AHI1: variants seen among roughly 807,000 people sequenced by gnomAD.
AHI1 encodes the protein Abelson helper integration site 1, also known as jouberin.
Under a neutral mutation model 149.3 loss-of-function variants are expected in AHI1, and 123 were observed. The observed-to-expected ratio is 0.82, with a 90% CI of 0.71 to 0.96. The LOEUF is 0.96. AHI1 is among the 40% of genes least tolerant of loss of function. The pLI, the probability that AHI1 is intolerant of heterozygous loss-of-function variation, is 0.00. For synonymous variants in AHI1, 475 were observed against 459.8 expected, an observed-to-expected ratio of 1.03 and a Z score of -0.42; for missense variants, 1,439 against 1,422.7, an observed-to-expected ratio of 1.01 and a Z score of -0.18.
chr6:135,399,439 T>C (rs1354467366), intron 22 of AHI1, among the ~76,000 whole-genome samples: 1 of 152,142 alleles, frequency 6.6e-6, no homozygotes, highest in Non-Finnish European at 1.5e-5. Flanking sequence ...TAAATTGGAC[T>C]TATGGTAACC....
intron 15 of AHI1, among the ~76,000 whole-genome samples, chr6:135,435,997 G>C (rs1169326259): frequency 6.6e-6 from 1 of 152,130 alleles, no homozygotes; most frequent in Non-Finnish European, 1.5e-5. Flanking sequence ...AATTAAAAGA[G>C]GAAAACAAAA....
chr6:135,447,977 G>C (rs1242105112), intron 12 of AHI1, among the ~76,000 whole-genome samples: 1 of 152,160 alleles, frequency 6.6e-6, no homozygotes, highest in Non-Finnish European at 1.5e-5. Context: ...CAGGGCCAAA[G>C]CCTAAAATAT....
intron 27 of AHI1, among the ~76,000 whole-genome samples, chr6:135,290,964 T>C (rs1782284642): frequency 6.8e-6 from 1 of 147,584 alleles, no homozygotes; most frequent in Admixed American, 6.7e-5. Context: ...CATTCATTCA[T>C]GACAAGAAAA....
intron 20 of AHI1, among the ~76,000 whole-genome samples, chr6:135,420,443 T>C (rs534989965): frequency 6.6e-6 from 1 of 152,290 alleles, no homozygotes; most frequent in East Asian, 1.9e-4. Flanking sequence ...GAAAGCTGCT[T>C]CATCTCCATT....
At chr6:135,339,736 A>C (rs116636588) in intron 24 of AHI1, among the ~76,000 whole-genome samples, 1 of 152,222 alleles carries the variant, frequency 6.6e-6, no homozygotes. Flanking sequence ...TCCCAGAAGA[A>C]GAGTCAGAGA....
chr6:135,386,222 T>C (rs1045712400), intron 23 of AHI1, among the ~76,000 whole-genome samples: 28 of 150,638 alleles, frequency 1.9e-4, no homozygotes, highest in African/African-American at 6.1e-4. Context: ...CTTCTGTCAA[T>C]AAACAATTGT....
intron 21 of AHI1, among the ~76,000 whole-genome samples, chr6:135,409,747 A>G: frequency 6.6e-6 from 1 of 152,184 alleles, no homozygotes. Flanking sequence ...ATCTTTAAAA[A>G]TCAAGCGATT....
At chr6:135,338,746 G>A (rs185684887) in intron 24 of AHI1, among the ~76,000 whole-genome samples, 33 of 152,228 alleles carry the variant, frequency 2.2e-4, no homozygotes, top group African/African-American at 6.5e-4. Flanking sequence ...TGCCAACTCC[G>A]TGGTATCCTT....
chr6:135,419,507 T>G (rs372887616), intron 20 of AHI1, among the ~76,000 whole-genome samples: 7 of 152,150 alleles, frequency 4.6e-5, no homozygotes, highest in Admixed American at 3.3e-4. Context: ...AAGAAAGTCA[T>G]ATGTTTTTAA....
chr6:135,457,765 G>T, intron 8 of AHI1, 52 bp from the exon 9 acceptor site: 2 of 1,480,646 alleles, frequency 1.4e-6, no homozygotes, highest in Non-Finnish European at 1.9e-6. Context: ...TCCCATAGTA[G>T]TATTTACATA....
intron 26 of AHI1, among the ~76,000 whole-genome samples, chr6:135,304,468 T>C (rs754269034): frequency 2.6e-5 from 4 of 152,136 alleles, no homozygotes; most frequent in Admixed American, 6.5e-5. Context: ...TCTAGAAGCA[T>C]ACTGTAACAA....
In AHI1 at chr6:135,377,373, T is replaced by A. The variant is rs539982150; in HGVS notation, c.3109+17403A>T. ...TGAATCTTCAACAGTTTTGCCTGAA[T>A]AGACGATTATCTTACAGTAGGCCAC... On this transcript the variant is annotated intron_variant, in intron 23 of 28. Coordinates refer to ENST00000265602, the MANE Select transcript of AHI1 (RefSeq NM_001134831.2). Among the ~76,000 whole-genome samples the A allele has an allele frequency of 1.8e-3, 267 of 152,332 alleles. 1 individual carries two copies. Among genetic ancestry groups the A allele is most frequent in the African/African-American group, 6.2e-3 (259 of 41,584 alleles).
chr6:135,374,256 G>T (rs564000026), intron 23 of AHI1, among the ~76,000 whole-genome samples: 1 of 151,184 alleles, frequency 6.6e-6, no homozygotes, highest in Non-Finnish European at 1.5e-5. Context: ...GGGACTACAG[G>T]TGCCCGCCAT....
intron 26 of AHI1, among the ~76,000 whole-genome samples, chr6:135,313,267 A>G (rs2128368753): frequency 6.6e-6 from 1 of 152,358 alleles, no homozygotes; most frequent in East Asian, 1.9e-4. Context: ...TCCTAAGAGA[A>G]AAAAATATAT....
At chr6:135,286,233 T>C (rs1189059728) in intron 28 of AHI1, among the ~76,000 whole-genome samples, 4 of 152,230 alleles carry the variant, frequency 2.6e-5, no homozygotes, top group Admixed American at 6.5e-5. Context: ...AAACAAATTA[T>C]ACAATTCATA....
At chr6:135,367,268 T>G (rs928660937) in intron 23 of AHI1, among the ~76,000 whole-genome samples, 1 of 152,222 alleles carries the variant, frequency 6.6e-6, no homozygotes, top group Non-Finnish European at 1.5e-5. Flanking sequence ...GGTTACCTGA[T>G]GCTTTTGCCT....
intron 20 of AHI1, among the ~76,000 whole-genome samples, chr6:135,424,336 G>C (rs1293249168): frequency 6.6e-6 from 1 of 151,932 alleles, no homozygotes; most frequent in Admixed American, 6.6e-5. Flanking sequence ...TGCTATGTAA[G>C]TATTTACTAA....
At chr6:135,455,948 C>T in intron 9 of AHI1, 22 bp from the exon 10 acceptor site, 1 of 1,354,280 alleles carries the variant, frequency 7.4e-7, no homozygotes, top group Non-Finnish European at 9.6e-7. Context: ...AAGATACTTC[C>T]ATTAACACAA....
At chr6:135,476,126 T>G (rs776556921) in intron 5 of AHI1, among the ~76,000 whole-genome samples, 1 of 152,204 alleles carries the variant, frequency 6.6e-6, no homozygotes, top group Non-Finnish European at 1.5e-5. Flanking sequence ...TTCAGCAGCA[T>G]TCCATAAATT....
Sources: allele counts gnomAD v4.1 joint callset (sites outside exome capture counted in the v4.1 genomes callset), GRCh38; gene constraint gnomAD v4.1.1; transcripts MANE v1.5; gene names NCBI Gene and HGNC (gene_info 2026-07-23, HGNC 2026-07-21).